Variants in TMEM131 observed in about 807,000 individuals in gnomAD.
TMEM131 encodes transmembrane protein 131.
TMEM131 carries 66 observed loss-of-function variants against 211.6 expected under a neutral mutation model. That is an observed-to-expected ratio of 0.31 (90% CI 0.26 to 0.38). The LOEUF (loss-of-function observed/expected upper bound fraction) is 0.38, where lower values mean the gene tolerates loss of function less well. Among genes scored for constraint, TMEM131 ranks in the 10% least tolerant of loss-of-function variants. The pLI is 1.00. For missense variants in TMEM131, 2,036 were observed against 2,299.3 expected (o/e 0.89, Z 2.34); for synonymous variants, 844 against 841.3 (o/e 1.00, Z -0.06).
chr2:97,772,419 T>C lies in TMEM131; in HGVS notation c.4326A>G (p.Thr1442=). The C allele has an allele frequency of 6.2e-7, 1 of 1,611,522 alleles. No individual in the cohort carries two copies. The highest frequency in any genetic ancestry group is 8.5e-7 in the Non-Finnish European group (1 of 1,179,352). ...TGGCTTGTTTTCCCTTTTGCTTTTCTGTATCCTGTAAAAAATGGACACTTA... is the reference window on the plus strand; with the variant it reads ...TGGCTTGTTTTCCCTTTTGCTTTTCCGTATCCTGTAAAAAATGGACACTTA... ...PDTEPLLKED[T]EKQKGKQAMP... is the part of the protein sequence containing the mutation. Residue 1442 remains threonine (T), a synonymous_variant, in exon 33 of 41, where the codon ACA becomes ACG. Coordinates refer to ENST00000186436, the MANE Select transcript of TMEM131 (RefSeq NM_015348.2).
intron 3 of TMEM131, among the ~76,000 whole-genome samples, chr2:97,905,553 G>A (rs540272777): frequency 3.3e-5 from 5 of 152,174 alleles, no homozygotes; most frequent in African/African-American, 9.6e-5. Flanking sequence ...GGGTTTATTT[G>A]TTTTTTAGTC....
intron 11 of TMEM131, chr2:97,827,497 G>A (rs1219187502): frequency 3.0e-5 from 33 of 1,086,890 alleles, no homozygotes; most frequent in Non-Finnish European, 4.7e-5. Flanking sequence ...AACGAAAACT[G>A]AGGAGAGTCC....
chr2:97,988,389 A>G (rs185285425), intron 1 of TMEM131, among the ~76,000 whole-genome samples: 51 of 152,368 alleles, frequency 3.3e-4, no homozygotes, highest in Non-Finnish European at 5.9e-4. Context: ...AGTTCATGAC[A>G]TTGGATTTGG....
chr2:97,815,431 C>CACTTTTTATAACATTTTAAATGAA (rs1681777872), intron 12 of TMEM131, 124 bp from the exon 13 acceptor site: 1 of 537,482 alleles, frequency 1.9e-6, no homozygotes. Flanking sequence ...GCCAACAGAA[C>CACTTTTTATAACATTTTAAATGAA]ACTTTTTATA....
intron 25 of TMEM131, among the ~76,000 whole-genome samples, chr2:97,800,830 A>G (rs994278823): frequency 2.6e-5 from 4 of 152,322 alleles, no homozygotes; most frequent in Admixed American, 6.5e-5. Flanking sequence ...ATAACTTCCA[A>G]TAACATTTGT....
At chr2:97,909,753 G>A (rs866849414) in intron 2 of TMEM131, among the ~76,000 whole-genome samples, 45 of 152,256 alleles carry the variant, frequency 3.0e-4, no homozygotes, top group African/African-American at 9.6e-4. Flanking sequence ...TAAAGTGTAA[G>A]GGTGTCCTTA....
intron 1 of TMEM131, among the ~76,000 whole-genome samples, chr2:97,934,888 A>C (rs548310851): frequency 1.3e-5 from 2 of 152,310 alleles, no homozygotes; most frequent in African/African-American, 4.8e-5. Context: ...TCACTGCTCT[A>C]AATTTAAAAT....
rs138347857 is a variant in TMEM131, at chr2:97,980,069, G to C, written c.187+15407C>G. 1.0e-2 allele frequency among the ~76,000 whole-genome samples: 1,521 copies of C among 152,316 alleles called. 14 individuals carry two copies. The highest frequency in any genetic ancestry group is 0.024 in the South Asian group (114 of 4,828). On this transcript the variant is annotated intron_variant, in intron 1 of 40. Coordinates refer to ENST00000186436, the MANE Select transcript of TMEM131 (RefSeq NM_015348.2). ...AGTGGGGGAACAGCCAGTTGGAGCA[G>C]TCAGAACACAGGCATTTATCAGTTA...
At chr2:97,932,212 C>T (rs1413249987) in intron 1 of TMEM131, among the ~76,000 whole-genome samples, 3 of 151,322 alleles carry the variant, frequency 2.0e-5, no homozygotes, top group Admixed American at 6.6e-5. Flanking sequence ...ATCTCTTTTA[C>T]AGTTACACTT....
chr2:97,897,107 CA>C (rs1219548741), intron 3 of TMEM131, among the ~76,000 whole-genome samples: 1 of 152,042 alleles, frequency 6.6e-6, no homozygotes, highest in Non-Finnish European at 1.5e-5. Context: ...CATTTTTCTA[CA>C]ACATTTTATT....
rs1405519681 is a variant in TMEM131, at chr2:97,775,852, G to A, written c.4311C>T (p.Leu1437=). 2.5e-6 allele frequency: 4 copies of A among 1,613,066 alleles called. No individual in the cohort carries two copies. In the South Asian group the frequency reaches 3.3e-5, roughly 13 times the overall value. ...TETSNPDTEP[L]LKEDTEKQKG... ...TGAGATCAGCCCGTACCTCCTTGAG[G>A]AGCGGTTCTGTGTCAGGGTTGGAGG... Residue 1437 remains leucine (L), a synonymous_variant, in exon 32 of 41, where the codon CTC becomes CTT. Transcript: ENST00000186436.
At chr2:97,928,828 G>C (rs536177227) in intron 1 of TMEM131, among the ~76,000 whole-genome samples, 3 of 151,752 alleles carry the variant, frequency 2.0e-5, no homozygotes, top group Non-Finnish European at 4.4e-5. Flanking sequence ...GAAACAAGGC[G>C]GGGGAGGCCA....
At chr2:97,817,609 A>G (rs923970239) in intron 12 of TMEM131, among the ~76,000 whole-genome samples, 4 of 152,214 alleles carry the variant, frequency 2.6e-5, no homozygotes, top group African/African-American at 9.6e-5. Flanking sequence ...ATCATGAAGT[A>G]TGCTGCCTAT....
intron 4 of TMEM131, among the ~76,000 whole-genome samples, chr2:97,862,052 G>A (rs1243055298): frequency 2.0e-5 from 3 of 152,162 alleles, no homozygotes; most frequent in African/African-American, 7.2e-5. Context: ...GTTTGTTTGG[G>A]AGACAGTAAG....
chr2:97,925,125 G>A (rs1676926690), intron 2 of TMEM131, among the ~76,000 whole-genome samples: 1 of 152,094 alleles, frequency 6.6e-6, no homozygotes, highest in African/African-American at 2.4e-5. Flanking sequence ...ACCCGTCTCA[G>A]CCTCCCAAGG....
At chr2:97,898,363 C>T (rs1011383212) in intron 3 of TMEM131, among the ~76,000 whole-genome samples, 5 of 152,110 alleles carry the variant, frequency 3.3e-5, no homozygotes, top group Non-Finnish European at 7.4e-5. Context: ...CCACCCCACC[C>T]GCTACCTCCA....
At chr2:97,854,134 A>G (rs911499756) in intron 5 of TMEM131, among the ~76,000 whole-genome samples, 3 of 152,224 alleles carry the variant, frequency 2.0e-5, no homozygotes, top group Non-Finnish European at 4.4e-5. Context: ...CGGCCATCCC[A>G]ACCTTCAGCA....
chr2:97,787,025 G>A (rs930667917), intron 31 of TMEM131, among the ~76,000 whole-genome samples: 3 of 152,058 alleles, frequency 2.0e-5, no homozygotes, highest in African/African-American at 4.8e-5. Flanking sequence ...AACTTTATTC[G>A]AGGTTTCTGC....
chr2:97,864,084 T>C (rs530527778), intron 4 of TMEM131, among the ~76,000 whole-genome samples: 1 of 152,312 alleles, frequency 6.6e-6, no homozygotes, highest in East Asian at 1.9e-4. Context: ...ACAACCTGGA[T>C]GGAGCTAGAG....
Sources: allele counts gnomAD v4.1 joint callset (sites outside exome capture counted in the v4.1 genomes callset), GRCh38; gene constraint gnomAD v4.1.1; transcripts MANE v1.5; gene names NCBI Gene and HGNC (gene_info 2026-07-23, HGNC 2026-07-21).